ZNF33B: variants seen among roughly 807,000 people sequenced by gnomAD.
ZNF33B encodes the protein zinc finger protein 33B, also known as zinc finger protein 11b (KOX 2).
A neutral mutation model predicts 45.8 loss-of-function variants in ZNF33B; 29 were observed. The ratio of observed to expected loss-of-function variants is 0.63; its 90% confidence interval spans 0.47 to 0.86. ZNF33B has a LOEUF of 0.86. Ranked by LOEUF, ZNF33B falls within the 40% of genes least tolerant of loss-of-function variation. The pLI is 0.00. For synonymous variants in ZNF33B, 305 were observed against 307.8 expected (o/e 0.99, Z 0.10); for missense variants, 831 against 909.9 (o/e 0.91, Z 1.12).
chr10:42,633,970 CAA>C (rs35796832), intron 2 of ZNF33B, among the ~76,000 whole-genome samples: 361 of 141,590 alleles, frequency 2.5e-3, no homozygotes, highest in African/African-American at 6.0e-3. Flanking sequence ...AACTCCATCT[CAA>C]AAAAAAAAAA....
intron 4 of ZNF33B, among the ~76,000 whole-genome samples, chr10:42,601,325 T>C (rs1386609256): frequency 6.6e-6 from 1 of 152,094 alleles, no homozygotes; most frequent in Non-Finnish European, 1.5e-5. Context: ...ATCGGTAGGT[T>C]CCCAACACAT....
Position 42,594,388 on chromosome 10 carries a change from G to T in ZNF33B, c.562C>A (p.Arg188=), listed in dbSNP as rs753116255. The T allele has an allele frequency of 1.9e-6, 3 of 1,613,658 alleles. No individual in the cohort carries two copies. The highest frequency in any genetic ancestry group is 2.5e-6 in the Non-Finnish European group (3 of 1,179,818). ...LNIKHDETHT[R]EKNEVLKNRN... is the part of the protein sequence containing the mutation. ...TTTTTCAAAACTTCATTTTTCTCTCGAGTATGAGTTTCATCATGCTTAATA... is the reference window on the plus strand; with the variant it reads ...TTTTTCAAAACTTCATTTTTCTCTCTAGTATGAGTTTCATCATGCTTAATA... Residue 188 remains arginine, a synonymous_variant, in exon 5 of 5, where the codon CGA becomes AGA. Transcript: ENST00000359467.
At chr10:42,588,438 C>T (rs1037777431), downstream of ZNF33B, among the ~76,000 whole-genome samples, 7 of 152,216 alleles carry the variant, frequency 4.6e-5, no homozygotes, top group African/African-American at 1.2e-4. Context: ...TTGGACTAGA[C>T]GACCCTGGCT....
Position 42,591,135 on chromosome 10 carries a change from C to T in ZNF33B, c.*1478G>A. 2 of 381,336 alleles carry T rather than the reference C, an allele frequency of 5.2e-6. No homozygotes were observed. The highest frequency in any genetic ancestry group is 7.2e-6 in the Non-Finnish European group (2 of 278,102). The allele number at this position is 381,336 out of a possible 1,614,324, so 23.6% of individuals were successfully genotyped here. The stretch of plus-strand genomic sequence containing the variant: ...GCTCTTCTCCAGCCTCAACCCTCCT[C>T]TTCATATTCTCAAAAGTCTCTGAAG... On this transcript the variant is annotated 3_prime_UTR_variant, in exon 5 of 5. Coordinates refer to ENST00000359467, the MANE Select transcript of ZNF33B (RefSeq NM_006955.3).
At chr10:42,623,759 T>C (rs181409672) in intron 4 of ZNF33B, among the ~76,000 whole-genome samples, 1 of 152,374 alleles carries the variant, frequency 6.6e-6, no homozygotes, top group African/African-American at 2.4e-5. Context: ...GTTATGGCTA[T>C]ACAACATTGT....
At chr10:42,615,661 C>G (rs993514508) in intron 4 of ZNF33B, among the ~76,000 whole-genome samples, 19 of 152,168 alleles carry the variant, frequency 1.2e-4, no homozygotes, top group Non-Finnish European at 2.4e-4. Flanking sequence ...CAGTGCCTCA[C>G]GCCTATAATC....
chr10:42,637,130 T>A (rs955498118), intron 1 of ZNF33B, among the ~76,000 whole-genome samples, 158 bp from the exon 2 acceptor site: 3 of 152,126 alleles, frequency 2.0e-5, no homozygotes, highest in African/African-American at 7.2e-5. Flanking sequence ...GGGGTAGAAA[T>A]GGTGAAAGAA....
chr10:42,591,375 G>T lies in ZNF33B; in HGVS notation c.*1238C>A. 2.7e-6 allele frequency: 1 copy of T among 372,880 alleles called. No homozygotes were observed. Among genetic ancestry groups the T allele is most frequent in the Non-Finnish European group, 3.7e-6 (1 of 270,092 alleles). The allele number at this position is 372,880 out of a possible 1,614,324, so 23.1% of individuals were successfully genotyped here. On this transcript the variant is annotated 3_prime_UTR_variant, in exon 5 of 5. Transcript: ENST00000359467. The stretch of plus-strand genomic sequence containing the variant: ...ATGGGATGAGCCACAGGTAGTAAGA[G>T]AAAGGGAGTAACATGGAGGCAGGCC...
chr10:42,614,013 G>A (rs1052111843), intron 4 of ZNF33B, among the ~76,000 whole-genome samples: 1 of 152,198 alleles, frequency 6.6e-6, no homozygotes, highest in Non-Finnish European at 1.5e-5. Context: ...CACTTCTTAC[G>A]TGTGAGTTGT....
chr10:42,612,216 G>A (rs1838127723), intron 4 of ZNF33B, among the ~76,000 whole-genome samples: 1 of 149,138 alleles, frequency 6.7e-6, no homozygotes, highest in Non-Finnish European at 1.5e-5. Flanking sequence ...TGTTGACGTG[G>A]CAGGTTACAG....
At chr10:42,617,883 T>G (rs962567242) in intron 4 of ZNF33B, among the ~76,000 whole-genome samples, 4 of 152,146 alleles carry the variant, frequency 2.6e-5, no homozygotes, top group African/African-American at 9.7e-5. Context: ...TACCCTACAT[T>G]TGGGCAAGCC....
At chr10:42,626,228 C>T (rs1328027395) in intron 4 of ZNF33B, among the ~76,000 whole-genome samples, 1 of 152,122 alleles carries the variant, frequency 6.6e-6, no homozygotes, top group Non-Finnish European at 1.5e-5. Context: ...TCAAGTAAAT[C>T]CCACTTGTTT....
At chr10:42,584,417 G>A (rs1314512070), downstream of ZNF33B, among the ~76,000 whole-genome samples, 1 of 152,118 alleles carries the variant, frequency 6.6e-6, no homozygotes, top group African/African-American at 2.4e-5. Flanking sequence ...GGGTGTGGTG[G>A]TCAAATTGCC....
At chr10:42,636,284 G>C (rs1839296503) in intron 2 of ZNF33B, among the ~76,000 whole-genome samples, 1 of 152,178 alleles carries the variant, frequency 6.6e-6, no homozygotes, top group African/African-American at 2.4e-5. Context: ...ACACTGGAAG[G>C]TTATTCACTA....
At chr10:42,623,289 A>G (rs1037998080) in intron 4 of ZNF33B, among the ~76,000 whole-genome samples, 3 of 152,258 alleles carry the variant, frequency 2.0e-5, no homozygotes, top group Non-Finnish European at 2.9e-5. Context: ...GTGTATATAT[A>G]CACATTAAAA....
At chr10:42,611,070 C>T (rs1388746033) in intron 4 of ZNF33B, among the ~76,000 whole-genome samples, 3 of 152,132 alleles carry the variant, frequency 2.0e-5, no homozygotes, top group Middle Eastern at 3.4e-3. Context: ...TTTGGCTGGT[C>T]GTGGTAGCTC....
At chr10:42,577,986 G>A (rs1836772539) in intron 1 of ZNF33B, among the ~76,000 whole-genome samples, 1 of 152,138 alleles carries the variant, frequency 6.6e-6, no homozygotes, top group African/African-American at 2.4e-5. Flanking sequence ...GTGGAAGCAG[G>A]AGCCTCTGTG....
chr10:42,593,042 G>T lies in ZNF33B; in HGVS notation c.1908C>A (p.Pro636=). ...QHQRIHIGEK[P]YECNECGKAF... ...CTTTTCCACACTCATTACATTCATAGGGTTTCTCCCCTATGTGAATTCTCT... is the reference window on the plus strand; with the variant it reads ...CTTTTCCACACTCATTACATTCATATGGTTTCTCCCCTATGTGAATTCTCT... The change falls in exon 5 of 5, where the codon CCC becomes CCA. Residue 636 remains proline (P), a synonymous_variant. Coordinates refer to ENST00000359467, the MANE Select transcript of ZNF33B (RefSeq NM_006955.3). 1 of 1,613,938 alleles carries T rather than the reference G, an allele frequency of 6.2e-7. No homozygotes were observed.
intron 4 of ZNF33B, among the ~76,000 whole-genome samples, chr10:42,618,746 G>A (rs908735523): frequency 2.0e-5 from 3 of 152,014 alleles, no homozygotes; most frequent in African/African-American, 4.8e-5. Context: ...AATTATGGGC[G>A]TTTCTGCGAA....
Sources: allele counts gnomAD v4.1 joint callset (sites outside exome capture counted in the v4.1 genomes callset), GRCh38; gene constraint gnomAD v4.1.1; transcripts MANE v1.5; gene names NCBI Gene and HGNC (gene_info 2026-07-23, HGNC 2026-07-21).